DOCK1: variants seen among roughly 807,000 people sequenced by gnomAD.
DOCK1 encodes the protein dedicator of cytokinesis 1, also known as dedicator of cytokinesis protein 1.
DOCK1 carries 138 observed loss-of-function variants against 262.7 expected under a neutral mutation model. That is an observed-to-expected ratio of 0.53 (90% CI 0.46 to 0.61). The LOEUF (loss-of-function observed/expected upper bound fraction) is 0.61, where lower values mean the gene tolerates loss of function less well. Ranked by LOEUF, DOCK1 falls within the 20% of genes least tolerant of loss-of-function variation. DOCK1 has a pLI of 0.00. For synonymous variants in DOCK1, 866 were observed against 867.4 expected (o/e 1.00, Z 0.03); for missense variants, 1,908 against 2,370.7 (o/e 0.80, Z 4.05).
intron 2 of DOCK1, among the ~76,000 whole-genome samples, chr10:126,975,858 A>T (rs1049105311): frequency 6.6e-6 from 1 of 151,614 alleles, no homozygotes; most frequent in African/African-American, 2.4e-5. Context: ...ACCTCAAGTT[A>T]TCTGCCCTCT....
At chr10:127,389,420 C>A (rs1235940149) in intron 38 of DOCK1, among the ~76,000 whole-genome samples, 3 of 152,180 alleles carry the variant, frequency 2.0e-5, no homozygotes, top group Admixed American at 1.3e-4. Flanking sequence ...GCACACCTTT[C>A]CACACTCCAT....
At chr10:127,266,867 C>T (rs1209105308) in intron 29 of DOCK1, among the ~76,000 whole-genome samples, 1 of 152,172 alleles carries the variant, frequency 6.6e-6, no homozygotes, top group Non-Finnish European at 1.5e-5. Flanking sequence ...CATTTCACAG[C>T]CCAGAGTCCC....
At chr10:127,389,551 G>T (rs781548768) in intron 38 of DOCK1, among the ~76,000 whole-genome samples, 4 of 152,156 alleles carry the variant, frequency 2.6e-5, no homozygotes, top group Non-Finnish European at 4.4e-5. Context: ...GATTGGTGTG[G>T]AGCCCTGATA....
chr10:127,056,187 T>C (rs2045129707), intron 22 of DOCK1, among the ~76,000 whole-genome samples: 1 of 151,258 alleles, frequency 6.6e-6, no homozygotes, highest in Admixed American at 6.6e-5. Context: ...ATGCTGCTGC[T>C]GCTGCTCCTG....
intron 29 of DOCK1, among the ~76,000 whole-genome samples, chr10:127,259,698 C>T (rs573942625): frequency 1.7e-4 from 26 of 151,990 alleles, no homozygotes; most frequent in Non-Finnish European, 3.1e-4. Flanking sequence ...AAAGGTCAGG[C>T]GGGATGGGCT....
rs897221383 is a variant in DOCK1, at chr10:127,425,849, G to A, written c.4777-25G>A. ...CCTAGACCATTATCCAAGAAATAAG[G>A]AATGTCAACCTCTCTGTTTTCCAGA... On this transcript the variant is annotated intron_variant, in intron 46 of 51. Transcript: ENST00000623213. The A allele has an allele frequency of 2.5e-6, 4 of 1,613,574 alleles. No homozygotes were observed. In the African/African-American group the frequency reaches 4.0e-5, roughly 16 times the overall value.
intron 23 of DOCK1, among the ~76,000 whole-genome samples, chr10:127,078,801 G>C (rs2046726141): frequency 6.6e-6 from 1 of 152,156 alleles, no homozygotes. Context: ...TGGAGTTGGA[G>C]ACCATTATTC....
chr10:126,995,343 T>A lies in DOCK1; in HGVS notation c.474-1405T>A, dbSNP rs2040107891. ...GAGATCATGCCACTGCACTCCAGCC[T>A]GGGCAACACTGAGCACTGGGTGAGC... On this transcript the variant is annotated intron_variant, in intron 6 of 51. Transcript: ENST00000623213. This position sits in a 1 kb window ranked among gnomAD's most constrained non-coding sequence, Gnocchi z 5.8. Among the ~76,000 whole-genome samples, 1 of 152,172 alleles carries A rather than the reference T, an allele frequency of 6.6e-6. No homozygotes were observed. The highest frequency in any genetic ancestry group is 2.4e-5 in the African/African-American group (1 of 41,442).
intron 1 of DOCK1, among the ~76,000 whole-genome samples, chr10:126,947,580 GGTGGTGGTGGTTGGT>G (rs2035592733): frequency 1.5e-5 from 2 of 133,576 alleles, no homozygotes; most frequent in African/African-American, 2.9e-5. Context: ...TGTTGGTGGT[GGTGGTGGTGGTTGGT>G]AGTATTACTG....
intron 1 of DOCK1, among the ~76,000 whole-genome samples, chr10:126,942,816 G>A (rs2035121764): frequency 6.6e-6 from 1 of 152,130 alleles, no homozygotes; most frequent in Non-Finnish European, 1.5e-5. Flanking sequence ...TTTGCAAGAT[G>A]TTTCTTTCCA....
chr10:127,119,477 T>G (rs565600058), intron 25 of DOCK1, among the ~76,000 whole-genome samples: 2 of 152,352 alleles, frequency 1.3e-5, no homozygotes, highest in East Asian at 3.9e-4. Flanking sequence ...TTCCTTCCAG[T>G]GTCGGCACCG....
rs1311722863 is a variant in DOCK1, at chr10:126,963,578, TC to T, written c.47-7121del. On this transcript the variant is annotated intron_variant, in intron 1 of 51. Coordinates refer to ENST00000623213, the MANE Select transcript of DOCK1 (RefSeq NM_001290223.2). ...TTCGCTTCCCTCCTCTCCCTCTCCT[TC>T]CCTCCCTTCCCTTCCCTTCCCTTCC... Among the ~76,000 whole-genome samples the T allele has an allele frequency of 6.9e-3, 716 of 103,966 alleles. 15 individuals carry two copies. The highest frequency in any genetic ancestry group is 0.023 in the African/African-American group (688 of 30,204). 68.2% of individuals were successfully genotyped at this position (103,966 alleles called of 152,430 possible).
intron 27 of DOCK1, among the ~76,000 whole-genome samples, chr10:127,237,933 TA>T (rs1374574914): frequency 2.0e-5 from 3 of 152,182 alleles, no homozygotes; most frequent in African/African-American, 4.8e-5. Context: ...GTATTAGTGT[TA>T]AACACACGTA....
intron 47 of DOCK1, among the ~76,000 whole-genome samples, chr10:127,432,415 G>A (rs1353122916): frequency 1.3e-5 from 2 of 151,956 alleles, no homozygotes; most frequent in Non-Finnish European, 2.9e-5. Context: ...TGAATGAGAT[G>A]GGCGGGGTGG....
chr10:127,173,742 C>T lies in DOCK1; in HGVS notation c.2847+45978C>T, dbSNP rs60003941. On this transcript the variant is annotated intron_variant, in intron 27 of 51. Transcript: ENST00000623213. ...TGATCAGTAAATCACTGGTCTCCCC[C>T]ACCCCACGCCTGATGAGTGTTGCTT... Among the ~76,000 whole-genome samples the T allele has an allele frequency of 4.6e-3, 701 of 152,284 alleles. 5 individuals are homozygous for T. Among genetic ancestry groups the T allele is most frequent in the African/African-American group, 0.016 (652 of 41,564 alleles).
At chr10:127,273,502 A>C (rs907287532) in intron 29 of DOCK1, among the ~76,000 whole-genome samples, 2 of 152,202 alleles carry the variant, frequency 1.3e-5, no homozygotes, top group African/African-American at 2.4e-5. Flanking sequence ...CTTCAAACTG[A>C]ATGTTACTGC....
At chr10:127,088,940 G>A (rs2047353735) in intron 23 of DOCK1, among the ~76,000 whole-genome samples, 1 of 152,046 alleles carries the variant, frequency 6.6e-6, no homozygotes, top group African/African-American at 2.4e-5. Context: ...AATGCCCCCA[G>A]CCTCCCTACT....
At chr10:127,195,856 G>C (rs1350928579) in intron 27 of DOCK1, 13 of 152,274 alleles carry the variant, frequency 8.5e-5, no homozygotes. Context: ...CCCGGGAGCC[G>C]CCGAGTTTCC....
Position 127,433,270 on chromosome 10 carries a change from T to C in DOCK1, c.4915-13T>C. The C allele has an allele frequency of 2.5e-6, 4 of 1,613,406 alleles. No homozygotes were observed. Among genetic ancestry groups the C allele is most frequent in the Non-Finnish European group, 3.4e-6 (4 of 1,179,416 alleles). ...ATCAAACAAGTCTCCTTCTCTCTCTTTCTCGCTCTCAGCCCTCAAGTCTGG... is the reference window on the plus strand; with the variant it reads ...ATCAAACAAGTCTCCTTCTCTCTCTCTCTCGCTCTCAGCCCTCAAGTCTGG... On this transcript the variant is annotated splice_polypyrimidine_tract_variant and intron_variant, in intron 47 of 51. Transcript: ENST00000623213.
Sources: allele counts gnomAD v4.1 joint callset (sites outside exome capture counted in the v4.1 genomes callset), GRCh38; gene constraint gnomAD v4.1.1; non-coding constraint Gnocchi (gnomAD v3.1); transcripts MANE v1.5; gene names NCBI Gene and HGNC (gene_info 2026-07-23, HGNC 2026-07-21).